The following TAOK2 variants were observed in gnomAD, a reference collection of about 807,000 sequenced individuals.
The protein encoded by TAOK2 is serine/threonine-protein kinase TAO2.
TAOK2 carries 42 observed loss-of-function variants against 122.5 expected under a neutral mutation model. The observed-to-expected ratio is 0.34, with a 90% confidence interval of 0.27 to 0.44. The LOEUF (loss-of-function observed/expected upper bound fraction) is 0.44. TAOK2 is among the 20% of genes least tolerant of loss of function. TAOK2 has a pLI of 1.00. For synonymous variants in TAOK2, 704 were observed against 677.6 expected (o/e 1.04, Z -0.61); for missense variants, 1,264 against 1,644.9 (o/e 0.77, Z 4.01).
chr16:29,985,229 A>T lies in TAOK2; in HGVS notation c.1439A>T (p.Gln480Leu). Reference sequence around the variant, plus strand: ...CTTCCCCAGGTCAGCCGTCAGATCCAGGAGCATGAGCAGGACTCTGCGCTG... The same window carrying T: ...CTTCCCCAGGTCAGCCGTCAGATCCTGGAGCATGAGCAGGACTCTGCGCTG... ...RTASLVSRQI[Q>L]EHEQDSALRE... Residue 480 changes from glutamine (Q) to leucine (L), a missense_variant, in exon 14 of 16, where the codon CAG (glutamine) becomes CTG (leucine). By Grantham distance (113) the Gln-to-Leu change is moderately radical. Transcript: ENST00000308893. This position sits in a 1 kb window ranked among gnomAD's most constrained non-coding sequence, Gnocchi z 6.9. 6.6e-7 allele frequency: 1 copy of T among 1,509,788 alleles called. No homozygotes were observed. The highest frequency in any genetic ancestry group is 8.9e-7 in the Non-Finnish European group (1 of 1,127,910). The allele number at this position is 1,509,788 out of a possible 1,614,324, so 93.5% of individuals were successfully genotyped here. A position where few individuals can be genotyped will look rare whatever the true frequency, so the allele number is the denominator to read the frequency against.
In TAOK2 at chr16:29,986,727, G is replaced by T; in HGVS notation, c.2455G>T (p.Glu819Ter). Residue 819 changes from glutamate to a stop codon, truncating the protein, a stop_gained, in exon 16 of 16, where the codon GAA becomes TAA. Transcript: ENST00000308893. LOFTEE classifies it high-confidence loss of function. This position sits in a 1 kb window ranked among gnomAD's most constrained non-coding sequence, Gnocchi z 4.2. ...GCCCAAGCAGCAGAGGATTCTGGGG[G>T]AAGAATCAGGAGCCCCTAGTCCCAG... ...LEPKQQRILG[E>*]ESGAPSPSPQ... 6.2e-7 allele frequency: 1 copy of T among 1,614,070 alleles called. No homozygotes were observed. The highest frequency in any genetic ancestry group is 8.5e-7 in the Non-Finnish European group (1 of 1,179,980).
chr16:29,990,790 C>T, downstream of TAOK2: 1 of 1,607,464 alleles, frequency 6.2e-7, no homozygotes, highest in Non-Finnish European at 8.5e-7. Context: ...CCAGCTGCGG[C>T]TTGATGAGAC....
chr16:29,974,325 CG>C lies in TAOK2; in HGVS notation c.-355del, dbSNP rs1298414620. ...TCAGGCCCCTGCGTGCACCAGTATCCGGGGTTCATTCCCCGGGCGTTCAAAT... is the reference window on the plus strand; with the variant it reads ...TCAGGCCCCTGCGTGCACCAGTATCCGGGTTCATTCCCCGGGCGTTCAAAT... On this transcript the variant is annotated 5_prime_UTR_variant, in exon 1 of 16. Transcript: ENST00000308893. 1 of 152,632 alleles carries C rather than the reference CG, an allele frequency of 6.6e-6. No homozygotes were observed. Among genetic ancestry groups the C allele is most frequent in the Non-Finnish European group, 1.5e-5 (1 of 68,048 alleles). The allele number at this position is 152,632 out of a possible 1,614,324, so 9.5% of individuals were successfully genotyped here. A position where few individuals can be genotyped will look rare whatever the true frequency, so the allele number is the denominator to read the frequency against.
At position 29,979,713 on chromosome 16, in the gene TAOK2, C is replaced by T. The variant is rs948069480; in HGVS notation, c.655+205C>T. Reference sequence around the variant, plus strand: ...GAGATTTTGTAGCATTCATCTCTTCCTGTCCACTACCCTGGTTCTGAATCT... The same window carrying T: ...GAGATTTTGTAGCATTCATCTCTTCTTGTCCACTACCCTGGTTCTGAATCT... On this transcript the variant is annotated intron_variant, in intron 8 of 15. Transcript: ENST00000308893. The surrounding 1 kb of genome is among the most constrained non-coding windows in gnomAD (Gnocchi z 4.1). Among the ~76,000 whole-genome samples, 2 of 152,182 alleles carry T rather than the reference C, an allele frequency of 1.3e-5. No homozygotes were observed. The highest frequency in any genetic ancestry group is 1.3e-4 in the Admixed American group (2 of 15,286).
chr16:29,978,535 ACAGGCTGTTAG>A (rs1394660698), intron 4 of TAOK2, among the ~76,000 whole-genome samples, 182 bp downstream of exon 4: 2 of 152,162 alleles, frequency 1.3e-5, no homozygotes, highest in African/African-American at 4.8e-5. Flanking sequence ...GCTCAGTGAC[ACAGGCTGTTAG>A]CAGGTGGGAC....
At chr16:29,975,727 T>TG (rs1412501853) in intron 1 of TAOK2, among the ~76,000 whole-genome samples, 10 of 152,154 alleles carry the variant, frequency 6.6e-5, no homozygotes, top group African/African-American at 2.4e-4. Flanking sequence ...GCCAAGCTGT[T>TG]GGGGTAGAAT....
downstream of TAOK2, chr16:29,990,926 A>C: frequency 6.2e-7 from 1 of 1,613,384 alleles, no homozygotes; most frequent in Non-Finnish European, 8.5e-7. Flanking sequence ...CGGGAGCTGG[A>C]GCAGAGGGTC....
intron 2 of TAOK2, 48 bp from the exon 3 acceptor site, chr16:29,978,041 G>C: frequency 6.2e-7 from 1 of 1,612,968 alleles, no homozygotes; most frequent in Non-Finnish European, 8.5e-7. Flanking sequence ...GTCTTCCCAT[G>C]CCCGGCTCTC....
At position 29,986,702 on chromosome 16, in the gene TAOK2, G is replaced by C; in HGVS notation, c.2430G>C (p.Glu810Asp). 6.2e-7 allele frequency: 1 copy of C among 1,613,940 alleles called. No homozygotes were observed. The highest frequency in any genetic ancestry group is 1.3e-5 in the African/African-American group (1 of 75,012). The change falls in exon 16 of 16, where the codon GAG (glutamate) becomes GAC (aspartate). Residue 810 changes from glutamate (E) to aspartate (D), a missense_variant. By Grantham distance (45) the Glu-to-Asp change is conservative (BLOSUM62 2). Transcript: ENST00000308893. This position sits in a 1 kb window ranked among gnomAD's most constrained non-coding sequence, Gnocchi z 4.2. ...TGGGAAAGGAAGGGGCCACTTTGGA[G>C]CCCAAGCAGCAGAGGATTCTGGGGG... Reference protein sequence around the residue: ...RILGKEGATLEPKQQRILGEE... With the variant: ...RILGKEGATLDPKQQRILGEE...
downstream of TAOK2, chr16:29,989,646 T>C (rs773242114): frequency 1.9e-6 from 3 of 1,614,038 alleles, no homozygotes; most frequent in Non-Finnish European, 2.5e-6. Flanking sequence ...AGATCCAGAC[T>C]CGGCAGTACA....
Position 29,985,042 on chromosome 16 carries a change from C to A in TAOK2, c.1423-171C>A. The A allele has an allele frequency of 1.2e-6, 1 of 808,734 alleles. No individual in the cohort carries two copies. The highest frequency in any genetic ancestry group is 4.4e-5 in the South Asian group (1 of 22,682). 50.1% of individuals were successfully genotyped at this position (808,734 alleles called of 1,614,324 possible). Reference sequence around the variant, plus strand: ...CACCAACTTGTGATGTAGATAATATCACCATTATCCAGTTGAGGAAACAGG... The same window carrying A: ...CACCAACTTGTGATGTAGATAATATAACCATTATCCAGTTGAGGAAACAGG... On this transcript the variant is annotated intron_variant, in intron 13 of 15. Coordinates refer to ENST00000308893, the MANE Select transcript of TAOK2 (RefSeq NM_016151.4). The surrounding 1 kb of genome is among the most constrained non-coding windows in gnomAD (Gnocchi z 6.9).
At chr16:29,978,211 A>G (rs749703925) in intron 3 of TAOK2, 41 bp from the exon 4 acceptor site, 12 of 1,614,008 alleles carry the variant, frequency 7.4e-6, no homozygotes, top group Non-Finnish European at 1.0e-5. Flanking sequence ...TCCTGTCTCA[A>G]GATGCAAGCT....
downstream of TAOK2, chr16:29,990,937 G>A (rs77291164): frequency 1.7e-5 from 28 of 1,613,088 alleles, no homozygotes; most frequent in East Asian, 4.5e-4. Context: ...GCAGAGGGTC[G>A]CGCTGCGGCG....
intron 1 of TAOK2, among the ~76,000 whole-genome samples, chr16:29,974,867 G>T (rs2069405540): frequency 6.6e-6 from 1 of 152,046 alleles, no homozygotes; most frequent in African/African-American, 2.4e-5. Context: ...AGGTGACAGG[G>T]TCTCTGATGT....
intron 9 of TAOK2, 40 bp downstream of exon 9, chr16:29,981,794 C>T (rs749758985): frequency 1.9e-6 from 3 of 1,611,112 alleles, no homozygotes; most frequent in Admixed American, 1.7e-5. Context: ...AGGCGTTAGG[C>T]CATGGGGTAT....
At position 29,981,872 on chromosome 16, in the gene TAOK2, C is replaced by G; in HGVS notation, c.763C>G (p.Arg255Gly). The G allele has an allele frequency of 6.2e-7, 1 of 1,614,044 alleles. No homozygotes were observed. Among genetic ancestry groups the G allele is most frequent in the Non-Finnish European group, 8.5e-7 (1 of 1,179,970 alleles). ...TGTGACTTTCAGGTCTGAGTACTTCCGGAATTTTGTCGACTCCTGTCTTCA... is the reference window on the plus strand; with the variant it reads ...TGTGACTTTCAGGTCTGAGTACTTCGGGAATTTTGTCGACTCCTGTCTTCA... ...LQSGHWSEYF[R>G]NFVDSCLQKI... Residue 255 changes from arginine (R) to glycine (G), a missense_variant, in exon 10 of 16, where the codon CGG (arginine) becomes GGG (glycine). Physicochemically the swap from Arg to Gly is moderately radical, Grantham distance 125. Coordinates refer to ENST00000308893, the MANE Select transcript of TAOK2 (RefSeq NM_016151.4).
rs1409042931 is a variant in TAOK2 at position 29,979,588 on chromosome 16, C to T, written c.655+80C>T. ...CCCAGACTCCGGACTACCCCCTTCTCCTAGGGATGGGATCCCAGGCCTCCA... is the reference window on the plus strand; with the variant it reads ...CCCAGACTCCGGACTACCCCCTTCTTCTAGGGATGGGATCCCAGGCCTCCA... On this transcript the variant is annotated intron_variant, in intron 8 of 15. Transcript: ENST00000308893. This position sits in a 1 kb window ranked among gnomAD's most constrained non-coding sequence, Gnocchi z 4.1. The T allele has an allele frequency of 1.2e-5, 14 of 1,185,406 alleles. No individual in the cohort carries two copies. In the East Asian group the frequency reaches 1.6e-4, roughly 14 times the overall value. 73.4% of individuals were successfully genotyped at this position (1,185,406 alleles called of 1,614,324 possible). A position where few individuals can be genotyped will look rare whatever the true frequency, so the allele number is the denominator to read the frequency against.
In TAOK2 at chr16:29,988,346, C is replaced by A; in HGVS notation, c.*366C>A. 2 of 1,385,448 alleles carry A rather than the reference C, an allele frequency of 1.4e-6. No individual in the cohort carries two copies. Among genetic ancestry groups the A allele is most frequent in the Non-Finnish European group, 1.9e-6 (2 of 1,051,590 alleles). The allele number at this position is 1,385,448 out of a possible 1,614,324, so 85.8% of individuals were successfully genotyped here. On this transcript the variant is annotated 3_prime_UTR_variant, in exon 16 of 16. Transcript: ENST00000308893. ...TCCCTTCCAACCTGTCCCCTTCCCC[C>A]CACCAAAAAAAGAAAAAGACAAACA...
At chr16:29,990,193 T>G (rs544601616), downstream of TAOK2, 3 of 223,460 alleles carry the variant, frequency 1.3e-5, no homozygotes, top group East Asian at 2.1e-4. Flanking sequence ...AAAAAAATGA[T>G]CACACCTAAC....
Sources: gnomAD v4.1 joint callset for allele counts (sites outside exome capture counted in the v4.1 genomes callset) on GRCh38, gnomAD v4.1.1 for gene constraint, Gnocchi (gnomAD v3.1) non-coding constraint, MANE v1.5 for transcripts, NCBI Gene and HGNC (gene_info 2026-07-23, HGNC 2026-07-21) for gene names.